RYR2: variants seen among roughly 807,000 people sequenced by gnomAD.
RYR2 encodes ryanodine receptor 2.
Under a neutral mutation model 601.1 loss-of-function variants are expected in RYR2, and 227 were observed. The observed-to-expected ratio is 0.38, with a 90% confidence interval of 0.34 to 0.42. The LOEUF (loss-of-function observed/expected upper bound fraction) is 0.42. Among genes scored for constraint, RYR2 ranks in the 10% least tolerant of loss-of-function variants. The pLI is 1.00. For missense variants in RYR2, 4,646 were observed against 6,156.5 expected (o/e 0.75, Z 8.21); for synonymous variants, 2,223 against 2,175.1 (o/e 1.02, Z -0.61).
At chr1:237,697,045 G>C (rs575454242) in intron 63 of RYR2, among the ~76,000 whole-genome samples, 3 of 152,004 alleles carry the variant, frequency 2.0e-5, no homozygotes, top group African/African-American at 7.2e-5. Flanking sequence ...CTCTAACCAA[G>C]CTCTAGAACC....
rs1351694979 is a variant in RYR2, at chr1:237,353,203, C to CT, written c.274-2755dup. Among the ~76,000 whole-genome samples, 286 of 117,358 alleles carry CT rather than the reference C, an allele frequency of 2.4e-3. 1 individual carries two copies. Among genetic ancestry groups the CT allele is most frequent in the African/African-American group, 7.2e-3 (273 of 37,884 alleles). The allele number at this position is 117,358 out of a possible 152,430, so 77.0% of individuals were successfully genotyped here. A position where few individuals can be genotyped will look rare whatever the true frequency, so the allele number is the denominator to read the frequency against. On this transcript the variant is annotated intron_variant, in intron 3 of 104. Transcript: ENST00000366574. ...AATCAATTTGAAAGAAGCAAGCAAA[C>CT]TTTTTTTAAAAAAGTTTATGGAATA...
intron 29 of RYR2, among the ~76,000 whole-genome samples, chr1:237,573,779 TCCAG>T (rs1417358885): frequency 3.3e-5 from 5 of 151,484 alleles, no homozygotes; most frequent in Non-Finnish European, 7.4e-5. Flanking sequence ...GCCACCTCAC[TCCAG>T]CCTGGTGACA....
At chr1:237,310,409 C>T (rs967850258) in intron 2 of RYR2, among the ~76,000 whole-genome samples, 6 of 152,170 alleles carry the variant, frequency 3.9e-5, no homozygotes, top group Admixed American at 3.3e-4. Flanking sequence ...TGTACCTAAG[C>T]AGATAGCTAC....
chr1:237,147,200 A>G (rs1007000523), intron 1 of RYR2, among the ~76,000 whole-genome samples: 1 of 151,856 alleles, frequency 6.6e-6, no homozygotes, highest in Non-Finnish European at 1.5e-5. Flanking sequence ...TGAGAGATTG[A>G]GAAATCTTTC....
At chr1:237,420,746 G>A (rs1217551263) in intron 11 of RYR2, among the ~76,000 whole-genome samples, 2 of 152,144 alleles carry the variant, frequency 1.3e-5, no homozygotes, top group African/African-American at 2.4e-5. Context: ...TTCCAGATAC[G>A]CTAGCAAATA....
At chr1:237,724,745 G>A (rs1469425407) in intron 74 of RYR2, among the ~76,000 whole-genome samples, 1 of 73,734 alleles carries the variant, frequency 1.4e-5, no homozygotes, top group Non-Finnish European at 2.8e-5. Flanking sequence ...GATTATTAAA[G>A]GTTAATTAAA....
intron 80 of RYR2, among the ~76,000 whole-genome samples, chr1:237,748,795 G>A (rs1692295471): frequency 6.6e-6 from 1 of 152,158 alleles, no homozygotes; most frequent in South Asian, 2.1e-4. Flanking sequence ...CCACATCCTT[G>A]GATTCAGCCA....
intron 10 of RYR2, among the ~76,000 whole-genome samples, chr1:237,405,953 C>T (rs1359289415): frequency 7.0e-6 from 1 of 142,548 alleles, no homozygotes; most frequent in African/African-American, 2.5e-5. Context: ...GGTATTCTTG[C>T]ACTTTGAATA....
chr1:237,436,454 CTTTTTTTTT>C (rs551140501), intron 12 of RYR2, among the ~76,000 whole-genome samples: 1 of 48,730 alleles, frequency 2.1e-5, no homozygotes, highest in East Asian at 7.8e-4. Context: ...TGTGATTTTC[CTTTTTTTTT>C]TTTTTTTTTT....
At chr1:237,591,061 G>T in intron 31 of RYR2, 69 bp downstream of exon 31, 2 of 1,319,430 alleles carry the variant, frequency 1.5e-6, no homozygotes, top group Non-Finnish European at 2.0e-6. Flanking sequence ...CAGAGTAAAG[G>T]GTCTCCTAGT....
intron 82 of RYR2, among the ~76,000 whole-genome samples, chr1:237,759,074 G>A (rs1259511753): frequency 1.3e-5 from 2 of 152,092 alleles, no homozygotes; most frequent in Non-Finnish European, 2.9e-5. Flanking sequence ...CTCTCAGATT[G>A]TAATGCTGTT....
intron 101 of RYR2, among the ~76,000 whole-genome samples, chr1:237,820,920 G>A (rs927435888): frequency 3.3e-5 from 5 of 152,182 alleles, no homozygotes; most frequent in Non-Finnish European, 7.3e-5. Flanking sequence ...GTTCGAACTG[G>A]GTGGAGCCCA....
At chr1:237,356,340 A>C (rs1000360037) in intron 4 of RYR2, among the ~76,000 whole-genome samples, 1 of 152,036 alleles carries the variant, frequency 6.6e-6, no homozygotes, top group African/African-American at 2.4e-5. Flanking sequence ...TTGACTGTTT[A>C]ATCTCAAAAT....
At chr1:237,334,550 T>C (rs1697070919) in intron 3 of RYR2, among the ~76,000 whole-genome samples, 1 of 152,060 alleles carries the variant, frequency 6.6e-6, no homozygotes. Flanking sequence ...CAATAGTAAA[T>C]AGGCCAAGAC....
At chr1:237,555,326 G>C (rs1236378208) in intron 27 of RYR2, among the ~76,000 whole-genome samples, 1 of 152,008 alleles carries the variant, frequency 6.6e-6, no homozygotes, top group Non-Finnish European at 1.5e-5. Context: ...AAGAGTTCTT[G>C]AGCTTCCCTC....
intron 3 of RYR2, among the ~76,000 whole-genome samples, chr1:237,349,599 T>C (rs1006806582): frequency 6.6e-6 from 1 of 151,772 alleles, no homozygotes; most frequent in African/African-American, 2.4e-5. Context: ...TGCATAACGA[T>C]AATAACTCAA....
intron 1 of RYR2, among the ~76,000 whole-genome samples, chr1:237,226,105 T>G (rs1684336956): frequency 6.6e-6 from 1 of 152,064 alleles, no homozygotes; most frequent in African/African-American, 2.4e-5. Flanking sequence ...CATTATGTGT[T>G]AAGTCTGGAA....
chr1:237,496,500 T>C lies in RYR2; in HGVS notation c.1962-11T>C. On this transcript the variant is annotated splice_polypyrimidine_tract_variant and intron_variant, in intron 19 of 104. Transcript: ENST00000366574. ...GGACTTTCCTTACATGTGATTCCCG[T>C]CTCTTTAAAGCATGAGACCCAATAT... is the stretch of plus-strand genomic sequence containing the variant. The C allele has an allele frequency of 6.2e-7, 1 of 1,609,384 alleles. No individual in the cohort carries two copies. The highest frequency in any genetic ancestry group is 8.5e-7 in the Non-Finnish European group (1 of 1,176,118).
intron 1 of RYR2, among the ~76,000 whole-genome samples, chr1:237,066,697 A>G (rs1663669576): frequency 6.7e-6 from 1 of 148,414 alleles, no homozygotes; most frequent in Non-Finnish European, 1.5e-5. Context: ...GCTGGGGTGC[A>G]GTGGTGCAAT....
Sources: gnomAD v4.1 joint callset for allele counts (sites outside exome capture counted in the v4.1 genomes callset) on GRCh38, gnomAD v4.1.1 for gene constraint, MANE v1.5 for transcripts, NCBI Gene and HGNC (gene_info 2026-07-23, HGNC 2026-07-21) for gene names.